The following DGKB variants were observed in gnomAD, a reference collection of about 807,000 sequenced individuals.
DGKB encodes the protein 90 kDa diacylglycerol kinase.
Under a neutral mutation model 114.3 loss-of-function variants are expected in DGKB, and 67 were observed. The ratio of observed to expected loss-of-function variants is 0.59; its 90% CI spans 0.48 to 0.72. The LOEUF (loss-of-function observed/expected upper bound fraction) is 0.72, where lower values mean the gene tolerates loss of function less well. DGKB is among the 30% of genes least tolerant of loss of function. DGKB has a pLI of 0.00. For synonymous variants in DGKB, 398 were observed against 323.1 expected, an observed-to-expected ratio of 1.23 and a Z score of -2.49; for missense variants, 907 against 975.2, an observed-to-expected ratio of 0.93 and a Z score of 0.93.
chr7:14,867,390 T>C (rs1405015607), intron 1 of DGKB, among the ~76,000 whole-genome samples: 3 of 152,028 alleles, frequency 2.0e-5, no homozygotes, highest in African/African-American at 7.3e-5. Flanking sequence ...TCAAGTTAAT[T>C]TGTGTGAAGA....
chr7:14,203,355 G>A (rs1035928454), intron 23 of DGKB, among the ~76,000 whole-genome samples: 3 of 151,866 alleles, frequency 2.0e-5, no homozygotes, highest in African/African-American at 2.4e-5. Context: ...AGAACTTAAA[G>A]ATGGATATAT....
chr7:14,673,122 A>G, intron 12 of DGKB, 95 bp from the exon 13 acceptor site: 2 of 676,918 alleles, frequency 3.0e-6, no homozygotes, highest in South Asian at 3.8e-5. Flanking sequence ...CAAACACATT[A>G]AAAGTACAAT....
At chr7:14,702,558 T>G (rs1309934000) in intron 6 of DGKB, among the ~76,000 whole-genome samples, 5 of 152,092 alleles carry the variant, frequency 3.3e-5, no homozygotes, top group African/African-American at 1.2e-4. Context: ...CTTGTATAAT[T>G]CACACATCCC....
intron 13 of DGKB, among the ~76,000 whole-genome samples, chr7:14,635,038 T>A (rs1208428637): frequency 6.6e-6 from 1 of 151,602 alleles, no homozygotes; most frequent in Non-Finnish European, 1.5e-5. Flanking sequence ...TTCTGATATG[T>A]CTAATTAAGA....
chr7:14,228,884 C>CTGTGTGTGTGTGTGTG (rs71548072), intron 23 of DGKB, among the ~76,000 whole-genome samples: 7,865 of 148,684 alleles, frequency 0.053, 447 homozygotes, highest in East Asian at 0.18. Context: ...AGTTTTTTTT[C>CTGTGTGTGTGTGTGTG]TGTGTGTGTG....
intron 21 of DGKB, among the ~76,000 whole-genome samples, chr7:14,422,276 A>G (rs932628620): frequency 6.6e-6 from 1 of 152,082 alleles, no homozygotes; most frequent in Non-Finnish European, 1.5e-5. Context: ...GGAAGGGGTA[A>G]TAACTTTTAA....
chr7:14,213,347 T>C (rs1005749284), intron 23 of DGKB, among the ~76,000 whole-genome samples: 2 of 152,120 alleles, frequency 1.3e-5, no homozygotes, highest in Non-Finnish European at 2.9e-5. Context: ...ATTCTCAAGA[T>C]AGAGAAATAG....
At chr7:14,845,106 CAAAAAAAAAAA>C (rs59367496) in intron 1 of DGKB, among the ~76,000 whole-genome samples, 30 of 89,240 alleles carry the variant, frequency 3.4e-4, no homozygotes, top group Non-Finnish European at 6.0e-4. Flanking sequence ...GGCCCTGTGT[CAAAAAAAAAAA>C]AAAAAAAAAA....
intron 13 of DGKB, among the ~76,000 whole-genome samples, chr7:14,640,331 CGCA>C (rs1811522703): frequency 6.6e-6 from 1 of 152,070 alleles, no homozygotes; most frequent in African/African-American, 2.4e-5. Context: ...AAAGAATATA[CGCA>C]TTGGGTGGCT....
intron 23 of DGKB, among the ~76,000 whole-genome samples, chr7:14,330,191 T>C (rs1337375009): frequency 6.6e-6 from 1 of 152,072 alleles, no homozygotes; most frequent in Non-Finnish European, 1.5e-5. Flanking sequence ...ATTAACAATC[T>C]GAGCCTTAAT....
At chr7:14,647,590 T>C (rs1192255371) in intron 13 of DGKB, among the ~76,000 whole-genome samples, 1 of 151,414 alleles carries the variant, frequency 6.6e-6, no homozygotes, top group Non-Finnish European at 1.5e-5. Context: ...TACCAAATAA[T>C]AGCAAAGCAA....
chr7:14,697,840 G>C (rs116057914), intron 8 of DGKB, among the ~76,000 whole-genome samples: 1,648 of 143,028 alleles, frequency 0.012, 34 homozygotes, highest in African/African-American at 0.04. Flanking sequence ...GAGAAGGAAG[G>C]AAGGGAGAGA....
intron 13 of DGKB, among the ~76,000 whole-genome samples, chr7:14,631,275 A>G (rs1225514535): frequency 6.7e-6 from 1 of 150,268 alleles, no homozygotes; most frequent in Non-Finnish European, 1.5e-5. Flanking sequence ...AAAAAAAAAA[A>G]AAAAAAAGAA....
chr7:14,266,643 T>C (rs891456047), intron 23 of DGKB, among the ~76,000 whole-genome samples: 1 of 152,216 alleles, frequency 6.6e-6, no homozygotes. Flanking sequence ...AAAATACACC[T>C]ACCATTATTT....
chr7:14,207,829 G>C (rs569662349), intron 23 of DGKB, among the ~76,000 whole-genome samples: 1 of 152,020 alleles, frequency 6.6e-6, no homozygotes, highest in African/African-American at 2.4e-5. Flanking sequence ...CAAAAGAGGG[G>C]AAGGAAATGG....
At chr7:14,215,411 CA>C (rs527910899) in intron 23 of DGKB, among the ~76,000 whole-genome samples, 155 of 152,186 alleles carry the variant, frequency 1.0e-3, no homozygotes, top group African/African-American at 3.6e-3. Flanking sequence ...AAATATTATT[CA>C]TTCTTCCTCT....
chr7:14,352,688 G>C (rs936991443), intron 21 of DGKB, among the ~76,000 whole-genome samples: 2 of 152,088 alleles, frequency 1.3e-5, no homozygotes, highest in African/African-American at 4.8e-5. Flanking sequence ...ACTTTGGGAG[G>C]CAGAGGTAGG....
At chr7:14,619,488 T>C (rs568976192) in intron 15 of DGKB, among the ~76,000 whole-genome samples, 3 of 151,744 alleles carry the variant, frequency 2.0e-5, no homozygotes, top group African/African-American at 4.8e-5. Context: ...CAAATTGAGG[T>C]ATGATTATGA....
At chr7:14,477,538 G>A (rs1408109143) in intron 21 of DGKB, among the ~76,000 whole-genome samples, 4 of 152,146 alleles carry the variant, frequency 2.6e-5, no homozygotes, top group Non-Finnish European at 5.9e-5. Context: ...TCTAGAAATG[G>A]GGAAGATACG....
Sources: allele counts gnomAD v4.1 joint callset (sites outside exome capture counted in the v4.1 genomes callset), GRCh38; gene constraint gnomAD v4.1.1; transcripts MANE v1.5; gene names NCBI Gene and HGNC (gene_info 2026-07-23, HGNC 2026-07-21).